Variants in VWA8 observed in about 807,000 individuals in gnomAD.
VWA8 encodes von Willebrand factor A domain containing 8.
VWA8 carries 221 observed loss-of-function variants against 241.5 expected under a neutral mutation model. The ratio of observed to expected loss-of-function variants is 0.91; its 90% CI spans 0.82 to 1.02. VWA8 has a LOEUF of 1.02. Among genes scored for constraint, VWA8 ranks in the 50% least tolerant of loss-of-function variants. The pLI is 0.00. For synonymous variants in VWA8, 852 were observed against 827.1 expected (o/e 1.03, Z -0.52); for missense variants, 2,322 against 2,328.7 (o/e 1.00, Z 0.06).
intron 12 of VWA8, among the ~76,000 whole-genome samples, chr13:41,841,292 A>G (rs1406824567): frequency 1.3e-5 from 2 of 152,202 alleles, no homozygotes; most frequent in African/African-American, 4.8e-5. Flanking sequence ...ATAAGTCTCA[A>G]TCATCTTCTT....
intron 2 of VWA8, among the ~76,000 whole-genome samples, chr13:41,924,411 G>C (rs1876727061): frequency 7.2e-6 from 1 of 139,548 alleles, no homozygotes; most frequent in South Asian, 2.5e-4. Flanking sequence ...GGAGGGGAGG[G>C]GAGGAGAGGA....
At chr13:41,763,124 A>G (rs960756407) in intron 20 of VWA8, among the ~76,000 whole-genome samples, 1 of 151,710 alleles carries the variant, frequency 6.6e-6, no homozygotes, top group African/African-American at 2.4e-5. Context: ...AAACAAACAA[A>G]CAAACAAACA....
intron 29 of VWA8, among the ~76,000 whole-genome samples, chr13:41,695,463 G>C (rs973481325): frequency 6.6e-6 from 1 of 152,164 alleles, no homozygotes. Flanking sequence ...AGTTAGGGTA[G>C]AATGAAGAAG....
At chr13:41,836,591 A>G (rs1871741265) in intron 12 of VWA8, among the ~76,000 whole-genome samples, 9 of 152,184 alleles carry the variant, frequency 5.9e-5, no homozygotes, top group Admixed American at 5.9e-4. Context: ...TGCATGATAT[A>G]AAAAAGCACT....
At chr13:41,589,018 T>C (rs1260293621) in intron 41 of VWA8, among the ~76,000 whole-genome samples, 1 of 152,176 alleles carries the variant, frequency 6.6e-6, no homozygotes, top group Non-Finnish European at 1.5e-5. Flanking sequence ...CTCATACCAA[T>C]GACACAGAAA....
In VWA8 at chr13:41,865,833, T is replaced by C. The variant is rs1450913012; in HGVS notation, c.1348-20A>G. 2 of 1,614,196 alleles carry C rather than the reference T, an allele frequency of 1.2e-6. No individual in the cohort carries two copies. The highest frequency in any genetic ancestry group is 8.5e-7 in the Non-Finnish European group (1 of 1,180,034). On this transcript the variant is annotated intron_variant, in intron 11 of 44. Coordinates refer to ENST00000379310, the MANE Select transcript of VWA8 (RefSeq NM_015058.2). ...ACAACCCTACAAATGGAAAAAATTA[T>C]TCAAGAGGTAAGTCAAAATAACCAA...
rs780576258 is a variant in VWA8 at position 41,866,009 on chromosome 13, G to A, written c.1240C>T (p.Gln414Ter). ...ATGAAACGGTCTGACGCACAAGGTT[G>A]ACTTAATAGCCTGGTCCCGGCTGGC... Reference protein sequence around the residue: ...KVPAGTRLLSQPCASDRFIQT... With the variant: ...KVPAGTRLLS The change falls in exon 11 of 45, where the codon CAA (glutamine) becomes TAA (stop). Residue 414 changes from glutamine to a stop codon, truncating the protein, a stop_gained. Transcript: ENST00000379310. LOFTEE classifies it high-confidence loss of function. 2 of 1,614,134 alleles carry A rather than the reference G, an allele frequency of 1.2e-6. No homozygotes were observed. The highest frequency in any genetic ancestry group is 1.7e-6 in the Non-Finnish European group (2 of 1,180,028).
At chr13:41,780,895 T>C (rs1286315209) in intron 19 of VWA8, among the ~76,000 whole-genome samples, 1 of 152,188 alleles carries the variant, frequency 6.6e-6, no homozygotes, top group Admixed American at 6.5e-5. Flanking sequence ...TCACCAGACA[T>C]TGTGCTCCCT....
chr13:41,771,891 T>TTTA, intron 20 of VWA8, among the ~76,000 whole-genome samples: 1 of 146,410 alleles, frequency 6.8e-6, no homozygotes, highest in Non-Finnish European at 1.5e-5. Context: ...AGGGACTTTT[T>TTTA]TTTTTTTTTT....
intron 37 of VWA8, among the ~76,000 whole-genome samples, chr13:41,625,710 G>A (rs1444336901): frequency 6.6e-6 from 1 of 151,846 alleles, no homozygotes; most frequent in Non-Finnish European, 1.5e-5. Context: ...AATACCATTT[G>A]ACCCAGCCAT....
chr13:41,922,432 A>T (rs997064682), intron 2 of VWA8, among the ~76,000 whole-genome samples: 4 of 152,240 alleles, frequency 2.6e-5, no homozygotes, highest in Non-Finnish European at 5.9e-5. Context: ...AAATTGACAA[A>T]TGGGATCTAA....
At chr13:41,668,378 G>A (rs994113664) in intron 37 of VWA8, among the ~76,000 whole-genome samples, 2 of 152,078 alleles carry the variant, frequency 1.3e-5, no homozygotes, top group Non-Finnish European at 2.9e-5. Context: ...GTCAGTGATG[G>A]GGAAGCTGCT....
intron 2 of VWA8, among the ~76,000 whole-genome samples, chr13:41,920,310 A>C (rs2138124759): frequency 6.6e-6 from 1 of 152,254 alleles, no homozygotes; most frequent in South Asian, 2.1e-4. Flanking sequence ...CCAGTTCTGC[A>C]CACTGCCCTC....
chr13:41,777,227 A>G (rs754584917), intron 20 of VWA8, among the ~76,000 whole-genome samples: 2 of 152,248 alleles, frequency 1.3e-5, no homozygotes, highest in African/African-American at 2.4e-5. Context: ...AGTTGCAAAG[A>G]CAGTCATATG....
chr13:41,881,825 T>A, intron 9 of VWA8, among the ~76,000 whole-genome samples: 1 of 142,610 alleles, frequency 7.0e-6, no homozygotes, highest in Non-Finnish European at 1.5e-5. Context: ...GCCCCTCACC[T>A]CCCGGACGGG....
intron 37 of VWA8, among the ~76,000 whole-genome samples, chr13:41,631,971 G>C (rs2044729810): frequency 6.6e-6 from 1 of 152,140 alleles, no homozygotes; most frequent in Non-Finnish European, 1.5e-5. Context: ...CAAGCTGTCA[G>C]GTCTTCACAG....
At chr13:41,896,614 G>A (rs1875122040) in intron 4 of VWA8, among the ~76,000 whole-genome samples, 1 of 151,892 alleles carries the variant, frequency 6.6e-6, no homozygotes, top group Non-Finnish European at 1.5e-5. Flanking sequence ...AGATTATTAA[G>A]AAAATTAACA....
chr13:41,615,582 T>G (rs2044615849), intron 37 of VWA8, among the ~76,000 whole-genome samples: 1 of 152,252 alleles, frequency 6.6e-6, no homozygotes, highest in Non-Finnish European at 1.5e-5. Flanking sequence ...AAAAGTTATG[T>G]ATGTATGCCT....
intron 12 of VWA8, among the ~76,000 whole-genome samples, chr13:41,863,434 T>TGA (rs1873124377): frequency 2.9e-5 from 2 of 69,142 alleles, no homozygotes; most frequent in African/African-American, 1.2e-4. Context: ...TGTGTGTGTG[T>TGA]ATATATATAT....
Sources: allele counts gnomAD v4.1 joint callset (sites outside exome capture counted in the v4.1 genomes callset), GRCh38; gene constraint gnomAD v4.1.1; transcripts MANE v1.5; gene names NCBI Gene and HGNC (gene_info 2026-07-23, HGNC 2026-07-21).